Variants in CHL1 observed in about 807,000 individuals in gnomAD.
The protein encoded by CHL1 is neural cell adhesion molecule L1-like protein.
Under a neutral mutation model 141.9 loss-of-function variants are expected in CHL1, and 96 were observed. The ratio of observed to expected loss-of-function variants is 0.68; its 90% CI spans 0.57 to 0.80. CHL1 has a LOEUF of 0.80. Ranked by LOEUF, CHL1 falls within the 30% of genes least tolerant of loss-of-function variation. CHL1 has a pLI of 0.00. For missense variants in CHL1, 1,820 were observed against 1,457.2 expected (o/e 1.25, Z -4.05); for synonymous variants, 613 against 502.2 (o/e 1.22, Z -2.95).
intron 3 of CHL1, among the ~76,000 whole-genome samples, chr3:325,086 G>A (rs1396152964): frequency 2.0e-5 from 3 of 149,858 alleles, no homozygotes; most frequent in Non-Finnish European, 3.0e-5. Flanking sequence ...ATAGATAAGT[G>A]AGAAAAGGTT....
At chr3:335,001 C>G (rs996958588) in intron 5 of CHL1, among the ~76,000 whole-genome samples, 1 of 152,148 alleles carries the variant, frequency 6.6e-6, no homozygotes, top group Non-Finnish European at 1.5e-5. Flanking sequence ...TACGAAATGT[C>G]TGACAAAGAT....
intron 26 of CHL1, among the ~76,000 whole-genome samples, chr3:399,833 G>A (rs778666457): frequency 4.6e-5 from 7 of 152,032 alleles, no homozygotes; most frequent in African/African-American, 9.6e-5. Context: ...CATATTTTTC[G>A]CACTAGTGCA....
intron 19 of CHL1, 33 bp from the exon 20 acceptor site, chr3:389,219 A>C (rs752394098): frequency 3.3e-6 from 5 of 1,531,598 alleles, no homozygotes; most frequent in Non-Finnish European, 4.4e-6. Flanking sequence ...CACATCTGTG[A>C]TCAGACTAAA....
chr3:199,381 T>C (rs1698716545), intron 1 of CHL1, among the ~76,000 whole-genome samples: 1 of 152,328 alleles, frequency 6.6e-6, no homozygotes, highest in African/African-American at 2.4e-5. Context: ...CAGATTGTTA[T>C]CTGTTGCATG....
chr3:269,248 G>C (rs1372665837), intron 2 of CHL1, among the ~76,000 whole-genome samples: 2 of 152,196 alleles, frequency 1.3e-5, no homozygotes, highest in Non-Finnish European at 2.9e-5. Context: ...GATCAGATGG[G>C]ATTCCTTCTA....
In CHL1 at chr3:391,084, T is replaced by C; in HGVS notation, c.2716T>C (p.Leu906=). The C allele has an allele frequency of 6.2e-7, 1 of 1,614,048 alleles. No individual in the cohort carries two copies. Among genetic ancestry groups the C allele is most frequent in the African/African-American group, 1.3e-5 (1 of 75,056 alleles). Residue 906 remains leucine (L), a synonymous_variant, in exon 22 of 28, where the codon TTA becomes CTA. Coordinates refer to ENST00000256509, the MANE Select transcript of CHL1 (RefSeq NM_006614.4). Reference sequence around the variant, plus strand: ...CTTAGATGCCTTTAGTGAATTTCATTTAACAGTCTTAGCCTATAACTCTAA... The same window carrying C: ...CTTAGATGCCTTTAGTGAATTTCATCTAACAGTCTTAGCCTATAACTCTAA... The part of the protein sequence containing the change: ...PSLDAFSEFH[L]TVLAYNSKGA...
chr3:384,479 A>C (rs1707428581), intron 19 of CHL1: 2 of 152,200 alleles, frequency 1.3e-5, no homozygotes, highest in South Asian at 4.1e-4. Context: ...TCCAAACCTC[A>C]CTTTTTCCTC....
chr3:275,376 C>G (rs941960652), intron 2 of CHL1, among the ~76,000 whole-genome samples: 1 of 152,240 alleles, frequency 6.6e-6, no homozygotes, highest in African/African-American at 2.4e-5. Flanking sequence ...TAGCAAACAT[C>G]TTACTTGCAT....
rs753406539 is a variant in CHL1 at position 391,082 on chromosome 3, A to T, written c.2714A>T (p.His905Leu). 3.1e-6 allele frequency: 5 copies of T among 1,613,882 alleles called. No homozygotes were observed. Among genetic ancestry groups the T allele is most frequent in the Non-Finnish European group, 4.2e-6 (5 of 1,179,732 alleles). The change falls in exon 22 of 28, where the codon CAT (histidine) becomes CTT (leucine). Residue 905 changes from histidine (H) to leucine (L), a missense_variant. His to Leu is a moderately conservative substitution (Grantham distance 99, BLOSUM62 -3). Transcript: ENST00000256509. ...TCCTTAGATGCCTTTAGTGAATTTC[A>T]TTTAACAGTCTTAGCCTATAACTCT... ...VPSLDAFSEF[H>L]LTVLAYNSKG... is the part of the protein sequence containing the mutation.
At position 263,600 on chromosome 3, in the gene CHL1, G is replaced by A. The variant is rs192706917; in HGVS notation, c.-95+18908G>A. On this transcript the variant is annotated intron_variant, in intron 2 of 27. Transcript: ENST00000256509. Reference sequence around the variant, plus strand: ...TTTGTCACTGCTCCAAATCATTCACGTATCTCTGTATCTGCGTCTGCATCT... The same window carrying A: ...TTTGTCACTGCTCCAAATCATTCACATATCTCTGTATCTGCGTCTGCATCT... 1.9e-3 allele frequency among the ~76,000 whole-genome samples: 295 copies of A among 152,292 alleles called. 1 individual carries two copies. The highest frequency in any genetic ancestry group is 6.6e-3 in the African/African-American group (274 of 41,572).
intron 1 of CHL1, among the ~76,000 whole-genome samples, chr3:236,421 G>C (rs575292161): frequency 1.3e-5 from 2 of 152,280 alleles, no homozygotes; most frequent in East Asian, 3.9e-4. Flanking sequence ...GGGAAGGGAA[G>C]TGTTCTTGAG....
intron 2 of CHL1, among the ~76,000 whole-genome samples, chr3:292,187 C>A (rs1697752488): frequency 6.6e-6 from 1 of 152,162 alleles, no homozygotes; most frequent in Non-Finnish European, 1.5e-5. Context: ...ATAAAAATAT[C>A]TAAATGGTAG....
chr3:278,005 G>A (rs192344472), intron 2 of CHL1, among the ~76,000 whole-genome samples: 1 of 152,354 alleles, frequency 6.6e-6, no homozygotes, highest in African/African-American at 2.4e-5. Context: ...GGAATGTGGA[G>A]TGTGTTTGTG....
At chr3:255,638 A>G (rs445658) in intron 2 of CHL1, among the ~76,000 whole-genome samples, 25,214 of 152,196 alleles carry the variant, frequency 0.17, 2,354 homozygotes, top group East Asian at 0.39. Context: ...TCTAAAATCT[A>G]AAAAATGCAA....
At chr3:226,063 C>G (rs1250495202) in intron 1 of CHL1, among the ~76,000 whole-genome samples, 1 of 151,202 alleles carries the variant, frequency 6.6e-6, no homozygotes, top group Non-Finnish European at 1.5e-5. Context: ...GTTCCGTCGC[C>G]CAGGAGAGAG....
At chr3:286,181 C>A (rs1406241757) in intron 2 of CHL1, among the ~76,000 whole-genome samples, 1 of 152,174 alleles carries the variant, frequency 6.6e-6, no homozygotes, top group East Asian at 1.9e-4. Flanking sequence ...TTGTCTCCTG[C>A]AAGGCACTTA....
intron 5 of CHL1, among the ~76,000 whole-genome samples, chr3:335,102 C>G (rs2125111698): frequency 6.6e-6 from 1 of 152,286 alleles, no homozygotes; most frequent in Non-Finnish European, 1.5e-5. Flanking sequence ...TCCTCAGATT[C>G]CTCAGGACAA....
chr3:240,846 A>C (rs1692490480), intron 1 of CHL1, among the ~76,000 whole-genome samples: 1 of 125,526 alleles, frequency 8.0e-6, no homozygotes, highest in Non-Finnish European at 1.9e-5. Context: ...CATTTGTTAA[A>C]TAGGGTGTTC....
In CHL1 at chr3:363,762, T is replaced by C. The variant is rs146922076; in HGVS notation, c.1585+379T>C. Reference sequence around the variant, plus strand: ...CTAAAGATTTCACAAACTCATAACTTTATAATGACTGAGGCATGACAGAAT... The same window carrying C: ...CTAAAGATTTCACAAACTCATAACTCTATAATGACTGAGGCATGACAGAAT... On this transcript the variant is annotated intron_variant, in intron 14 of 27. Coordinates refer to ENST00000256509, the MANE Select transcript of CHL1 (RefSeq NM_006614.4). 5.2e-3 allele frequency: 850 copies of C among 164,552 alleles called. 6 individuals are homozygous for C. The highest frequency in any genetic ancestry group is 0.02 in the African/African-American group (818 of 41,758). The allele number at this position is 164,552 out of a possible 1,614,324, so 10.2% of individuals were successfully genotyped here.
Sources: allele counts gnomAD v4.1 joint callset (sites outside exome capture counted in the v4.1 genomes callset), GRCh38; gene constraint gnomAD v4.1.1; transcripts MANE v1.5; gene names NCBI Gene and HGNC (gene_info 2026-07-23, HGNC 2026-07-21).